ZFAT: variants seen among roughly 807,000 people sequenced by gnomAD.
The protein encoded by ZFAT is zinc finger and AT-hook domain containing.
A neutral mutation model predicts 117.7 loss-of-function variants in ZFAT; 64 were observed. The ratio of observed to expected loss-of-function variants is 0.54; its 90% CI spans 0.44 to 0.67. ZFAT has a LOEUF of 0.67. Ranked by LOEUF, ZFAT falls within the 30% of genes least tolerant of loss-of-function variation. The pLI, the probability that ZFAT is intolerant of heterozygous loss-of-function variation, is 0.00. For missense variants in ZFAT, 1,433 were observed against 1,584.5 expected (o/e 0.90, Z 1.62); for synonymous variants, 679 against 615.0 (o/e 1.10, Z -1.54).
At position 134,602,173 on chromosome 8, in the gene ZFAT, G is replaced by C. The variant is rs1586794648; in HGVS notation, c.1546C>G (p.Leu516Val). The change falls in exon 6 of 16, where the codon CTA (leucine) becomes GTA (valine). Residue 516 changes from leucine to valine, a missense_variant. Physicochemically the swap from Leu to Val is conservative, Grantham distance 32 (BLOSUM62 1). Around this residue, in one of 5 missense-constraint regions of ZFAT, gnomAD observed 372 missense variants for 355.6 expected, o/e 1.05. Coordinates refer to ENST00000377838, the MANE Select transcript of ZFAT (RefSeq NM_020863.4). ...DIQQEALGDQ[L>V]QLVEEEFALQ... ...GCAAACTCCTCTTCCACCAGCTGTA[G>C]CTGGTCCCCCAGAGCTTCTTGCTGG... The C allele has an allele frequency of 3.7e-6, 6 of 1,613,462 alleles. No homozygotes were observed. In the East Asian group the frequency reaches 1.3e-4, roughly 36 times the overall value.
chr8:134,533,912 G>A (rs890921509), intron 11 of ZFAT, among the ~76,000 whole-genome samples: 3 of 152,230 alleles, frequency 2.0e-5, no homozygotes, highest in African/African-American at 7.2e-5. Context: ...GGAGCTGCCA[G>A]CATGCCCCTG....
At chr8:134,491,805 C>T (rs1460751969) in intron 15 of ZFAT, among the ~76,000 whole-genome samples, 2 of 152,226 alleles carry the variant, frequency 1.3e-5, no homozygotes, top group Non-Finnish European at 2.9e-5. Context: ...TAATTAGCAA[C>T]CTTAATTCCC....
chr8:134,583,114 A>C (rs1825821768), intron 10 of ZFAT, among the ~76,000 whole-genome samples: 2 of 151,810 alleles, frequency 1.3e-5, no homozygotes, highest in African/African-American at 4.8e-5. Flanking sequence ...CGAGCTCACC[A>C]CCCACCTCGA....
At chr8:134,499,545 C>G (rs1313813072) in intron 15 of ZFAT, among the ~76,000 whole-genome samples, 2 of 148,828 alleles carry the variant, frequency 1.3e-5, no homozygotes, top group East Asian at 2.0e-4. Context: ...CACACAGAGC[C>G]TGATTTGGTA....
chr8:134,717,121 A>G (rs964855890), upstream of ZFAT, among the ~76,000 whole-genome samples: 2 of 152,222 alleles, frequency 1.3e-5, no homozygotes, highest in Admixed American at 6.5e-5. Flanking sequence ...TTAAACTGCT[A>G]TATGGCCCTG....
At chr8:134,679,941 G>T (rs1362214028) in intron 1 of ZFAT, among the ~76,000 whole-genome samples, 1 of 140,242 alleles carries the variant, frequency 7.1e-6, no homozygotes, top group Non-Finnish European at 1.6e-5. Context: ...CCTGTGGGGG[G>T]TTGGGGGTTG....
chr8:134,614,748 G>T (rs1316558905), intron 3 of ZFAT, among the ~76,000 whole-genome samples: 2 of 152,192 alleles, frequency 1.3e-5, no homozygotes, highest in African/African-American at 4.8e-5. Context: ...ACTTGCAACA[G>T]TTAGAGCTGT....
chr8:134,670,214 A>G (rs184427712), intron 1 of ZFAT, among the ~76,000 whole-genome samples: 1 of 152,214 alleles, frequency 6.6e-6, no homozygotes, highest in Non-Finnish European at 1.5e-5. Flanking sequence ...GTTAACAAGG[A>G]TATCCGGGAA....
intron 1 of ZFAT, among the ~76,000 whole-genome samples, chr8:134,676,495 T>A (rs1237924352): frequency 6.6e-6 from 1 of 152,136 alleles, no homozygotes; most frequent in Non-Finnish European, 1.5e-5. Context: ...ACAGTAATAG[T>A]GGGAAACTTT....
chr8:134,696,618 C>G (rs1268599717), intron 1 of ZFAT: 1 of 986,094 alleles, frequency 1.0e-6, no homozygotes, highest in East Asian at 1.1e-4. Context: ...CGCTTCTCTC[C>G]AATACAGCCA....
At chr8:134,510,232 G>C (rs1385043127) in intron 14 of ZFAT, 2 of 439,150 alleles carry the variant, frequency 4.6e-6, no homozygotes. Flanking sequence ...GTAGGCTTTG[G>C]AACTCCAAAC....
chr8:134,488,891 G>C (rs1817843409), intron 15 of ZFAT, among the ~76,000 whole-genome samples: 1 of 151,528 alleles, frequency 6.6e-6, no homozygotes, highest in Non-Finnish European at 1.5e-5. Flanking sequence ...CAGAGCAAAG[G>C]GTGTAGCAAC....
At chr8:134,596,987 T>C (rs1370322488) in intron 7 of ZFAT, among the ~76,000 whole-genome samples, 1 of 128,602 alleles carries the variant, frequency 7.8e-6, no homozygotes, top group African/African-American at 2.8e-5. Flanking sequence ...ACTCCGTGGA[T>C]ATACTAAAAA....
chr8:134,750,504 C>T, the ZFAT span, among the ~76,000 whole-genome samples: 1 of 152,076 alleles, frequency 6.6e-6, no homozygotes, highest in South Asian at 2.1e-4. Flanking sequence ...TACAGACTTG[C>T]TCCTAATCTC....
chr8:134,735,784 T>A, the ZFAT span, among the ~76,000 whole-genome samples: 1 of 152,212 alleles, frequency 6.6e-6, no homozygotes, highest in Non-Finnish European at 1.5e-5. Flanking sequence ...GACAGTATTA[T>A]ACCATTTCCA....
At chr8:134,597,007 AT>A (rs1250520794) in intron 7 of ZFAT, among the ~76,000 whole-genome samples, 1 of 149,696 alleles carries the variant, frequency 6.7e-6, no homozygotes, top group Non-Finnish European at 1.5e-5. Context: ...AAAAAAAAAA[AT>A]TTGATTTCAC....
At chr8:134,712,815 C>CAGGA in intron 1 of ZFAT, 30 bp downstream of exon 1, 1 of 1,128,124 alleles carries the variant, frequency 8.9e-7, no homozygotes, top group Non-Finnish European at 1.2e-6. Context: ...ACCCCCACCC[C>CAGGA]GTCTCACCCC....
chr8:134,659,242 C>T lies in ZFAT; in HGVS notation c.20-1505G>A, dbSNP rs989640729. Among the ~76,000 whole-genome samples the T allele has an allele frequency of 2.0e-5, 3 of 152,168 alleles. 1 individual carries two copies. Among genetic ancestry groups the T allele is most frequent in the East Asian group, 1.9e-4 (1 of 5,192 alleles). ...TTGCTTCATATCTCACTGCAAGCAG[C>T]CAGAAAACAACTGCCTCTGCCACCC... On this transcript the variant is annotated intron_variant, in intron 1 of 15. Transcript: ENST00000377838.
At chr8:134,551,850 G>A (rs1338611796) in intron 11 of ZFAT, among the ~76,000 whole-genome samples, 8 of 151,972 alleles carry the variant, frequency 5.3e-5, no homozygotes, top group Admixed American at 4.6e-4. Flanking sequence ...CTTTCACACC[G>A]ACACATTATA....
Sources: gnomAD v4.1 joint callset for allele counts (sites outside exome capture counted in the v4.1 genomes callset) on GRCh38, gnomAD v4.1.1 for gene constraint, gnomAD v4.1.1 regional missense constraint, MANE v1.5 for transcripts, NCBI Gene and HGNC (gene_info 2026-07-23, HGNC 2026-07-21) for gene names.